Variants in THAP3 observed in about 807,000 individuals in gnomAD.
The protein encoded by THAP3 is THAP domain containing 3, also known as THAP domain-containing protein 3.
In THAP3, 12 loss-of-function variants were observed where a neutral mutation model predicts 17.7. That is an observed-to-expected ratio of 0.68 (90% confidence interval 0.43 to 1.10). The LOEUF (loss-of-function observed/expected upper bound fraction) is 1.10, where lower values mean the gene tolerates loss of function less well. Among genes scored for constraint, THAP3 ranks in the 50% least tolerant of loss-of-function variants. THAP3 has a pLI of 0.00. For synonymous variants in THAP3, 133 were observed against 126.9 expected (o/e 1.05, Z -0.32); for missense variants, 289 against 318.0 (o/e 0.91, Z 0.69).
chr1:6,629,074 C>T (rs905673201), intron 3 of THAP3, among the ~76,000 whole-genome samples: 6 of 152,158 alleles, frequency 3.9e-5, no homozygotes, highest in African/African-American at 1.4e-4. Flanking sequence ...TGTTGGTGGG[C>T]ACCTGTAATC....
At chr1:6,631,282 G>A (rs1641606994) in intron 4 of THAP3, among the ~76,000 whole-genome samples, 1 of 151,394 alleles carries the variant, frequency 6.6e-6, no homozygotes, top group African/African-American at 2.4e-5. Context: ...CCCACAAAGT[G>A]CTGGAATTAT....
intron 2 of THAP3, among the ~76,000 whole-genome samples, chr1:6,627,441 T>G (rs895126871): frequency 1.3e-5 from 2 of 152,264 alleles, no homozygotes; most frequent in African/African-American, 4.8e-5. Context: ...CTCGGCTCAC[T>G]GCAGCCTCTG....
At chr1:6,629,606 G>C (rs1024863287) in intron 3 of THAP3, 1 of 152,696 alleles carries the variant, frequency 6.5e-6, no homozygotes, top group Middle Eastern at 3.1e-3. Context: ...TGTCCTTCCT[G>C]TTTCCCTCAT....
At chr1:6,630,446 G>T (rs1229932712) in intron 4 of THAP3, 93 bp downstream of exon 4, 4 of 1,309,936 alleles carry the variant, frequency 3.1e-6, no homozygotes, top group African/African-American at 2.9e-5. Flanking sequence ...GGCCCGCAGG[G>T]CTGTCGCCTT....
rs1641668997 is a variant in THAP3, at chr1:6,633,001, G to C, written c.644G>C (p.Arg215Thr). 5.6e-6 allele frequency: 9 copies of C among 1,612,660 alleles called. No individual in the cohort carries two copies. The highest frequency in any genetic ancestry group is 7.6e-6 in the Non-Finnish European group (9 of 1,179,856). The change falls in exon 6 of 6, where the codon AGG (arginine) becomes ACG (threonine). Residue 215 changes from arginine (R) to threonine (T), a missense_variant. Arg to Thr is a moderately conservative substitution (Grantham distance 71, BLOSUM62 -1). Coordinates refer to ENST00000054650, the MANE Select transcript of THAP3 (RefSeq NM_001195753.2). The stretch of plus-strand genomic sequence containing the variant: ...CAGGCCCAGAGGCTGGTGATGCGAA[G>C]GATGTCCAGCCGCCTCCGTGCTTGC... ...RLQAQRLVMR[R>T]MSSRLRACKG... is the part of the protein sequence containing the mutation.
Position 6,633,300 on chromosome 1 carries a change from G to A in THAP3, c.*223G>A. ...ACTAGGAGTGCACATCTGTGAGCATGACAAGCTTATCCTCCCATGGTAACA... is the reference window on the plus strand; with the variant it reads ...ACTAGGAGTGCACATCTGTGAGCATAACAAGCTTATCCTCCCATGGTAACA... On this transcript the variant is annotated 3_prime_UTR_variant, in exon 6 of 6. Coordinates refer to ENST00000054650, the MANE Select transcript of THAP3 (RefSeq NM_001195753.2). The A allele has an allele frequency of 7.1e-7, 1 of 1,416,812 alleles. No individual in the cohort carries two copies. The highest frequency in any genetic ancestry group is 9.2e-7 in the Non-Finnish European group (1 of 1,089,334). The allele number at this position is 1,416,812 out of a possible 1,614,324, so 87.8% of individuals were successfully genotyped here.
Position 6,631,889 on chromosome 1 carries a change from GA to G in THAP3, c.334-491del, listed in dbSNP as rs887677155. On this transcript the variant is annotated intron_variant, in intron 4 of 5. Coordinates refer to ENST00000054650, the MANE Select transcript of THAP3 (RefSeq NM_001195753.2). The stretch of plus-strand genomic sequence containing the variant: ...GTGAAAGAGTGAAACTCCATCTCAA[GA>G]AAAAAAAAAATTAGCCAGGTGTAGT... Among the ~76,000 whole-genome samples, 199 of 142,150 alleles carry G rather than the reference GA, an allele frequency of 1.4e-3. 1 individual carries two copies. Among genetic ancestry groups the G allele is most frequent in the Middle Eastern group, 7.5e-3 (2 of 268 alleles). The allele number at this position is 142,150 out of a possible 152,430, so 93.3% of individuals were successfully genotyped here.
intron 2 of THAP3, among the ~76,000 whole-genome samples, chr1:6,625,842 T>C (rs1471243225): frequency 6.6e-6 from 1 of 152,204 alleles, no homozygotes; most frequent in Non-Finnish European, 1.5e-5. Context: ...CTACCCACTT[T>C]TGGGCACATT....
chr1:6,633,937 A>G (rs1557460116), downstream of THAP3: 9 of 1,301,448 alleles, frequency 6.9e-6, no homozygotes, highest in Admixed American at 2.2e-5. Context: ...CTGACTTCCT[A>G]TTTTGTCTAA....
At chr1:6,626,460 C>T (rs541859098) in intron 2 of THAP3, among the ~76,000 whole-genome samples, 7 of 152,184 alleles carry the variant, frequency 4.6e-5, no homozygotes, top group Non-Finnish European at 1.0e-4. Context: ...ACATAATATT[C>T]CATTGAATGC....
chr1:6,633,111 G>A lies in THAP3; in HGVS notation c.*34G>A. 3 of 1,566,252 alleles carry A rather than the reference G, an allele frequency of 1.9e-6. No homozygotes were observed. Among genetic ancestry groups the A allele is most frequent in the Non-Finnish European group, 2.6e-6 (3 of 1,156,822 alleles). ...GGCTCCGGACGCAGAGGTGGCAGTG[G>A]CACCAGGGCCGGCAGAGCTTTGGAG... is the stretch of plus-strand genomic sequence containing the variant. On this transcript the variant is annotated 3_prime_UTR_variant, in exon 6 of 6. Transcript: ENST00000054650.
rs374655038 is a variant in THAP3 at position 6,630,271 on chromosome 1, G to A, written c.268-17G>A. 1.2e-4 allele frequency: 189 copies of A among 1,613,516 alleles called. No homozygotes were observed. Among genetic ancestry groups the A allele is most frequent in the South Asian group, 8.0e-4 (73 of 91,036 alleles). On this transcript the variant is annotated splice_polypyrimidine_tract_variant and intron_variant, in intron 3 of 5. Coordinates refer to ENST00000054650, the MANE Select transcript of THAP3 (RefSeq NM_001195753.2). ...GGTTCTTGGGGTCTGCATCCACTCT[G>A]TGTGTGTCTCTTGTAGCAGGTGAGG...
intron 4 of THAP3, among the ~76,000 whole-genome samples, chr1:6,632,126 G>T (rs916341576): frequency 4.6e-5 from 7 of 151,586 alleles, no homozygotes; most frequent in Admixed American, 4.6e-4. Context: ...TGAGGCACGA[G>T]AATCACCTGA....
downstream of THAP3, chr1:6,634,615 G>T (rs778348115): frequency 7.3e-7 from 1 of 1,366,434 alleles, no homozygotes; most frequent in Admixed American, 1.9e-5. Flanking sequence ...CAGGCCTCAC[G>T]TAACTTTACT....
downstream of THAP3, chr1:6,634,309 C>T (rs1365339136): frequency 2.1e-6 from 2 of 957,222 alleles, no homozygotes; most frequent in African/African-American, 3.3e-5. Context: ...ACACGACGCT[C>T]ACCGCGGCTC....
Position 6,630,222 on chromosome 1 carries a change from C to T in THAP3, c.268-66C>T. The T allele has an allele frequency of 2.8e-6, 4 of 1,441,218 alleles. No homozygotes were observed. In the South Asian group the frequency reaches 4.6e-5, roughly 16 times the overall value. 89.3% of individuals were successfully genotyped at this position (1,441,218 alleles called of 1,614,324 possible). On this transcript the variant is annotated intron_variant, in intron 3 of 5. Coordinates refer to ENST00000054650, the MANE Select transcript of THAP3 (RefSeq NM_001195753.2). ...CGAGCAGCGGGGACAAGCATGATGCCCGAGGCCTGCCCCGAGCTCTGAGGG... is the reference window on the plus strand; with the variant it reads ...CGAGCAGCGGGGACAAGCATGATGCTCGAGGCCTGCCCCGAGCTCTGAGGG...
Position 6,631,276 on chromosome 1 carries a change from C to A in THAP3, c.333+923C>A, listed in dbSNP as rs1196186447. Among the ~76,000 whole-genome samples the A allele has an allele frequency of 2.6e-5, 4 of 151,710 alleles. No individual in the cohort carries two copies. In the East Asian group the frequency reaches 7.7e-4, roughly 29 times the overall value. On this transcript the variant is annotated intron_variant, in intron 4 of 5. Coordinates refer to ENST00000054650, the MANE Select transcript of THAP3 (RefSeq NM_001195753.2). ...AGGGGATTCTCCTGCCTTGGCCCCA[C>A]AAAGTGCTGGAATTATAGGCGGGAG...
chr1:6,634,404 C>T (rs988427134), downstream of THAP3: 2 of 1,227,524 alleles, frequency 1.6e-6, no homozygotes, highest in African/African-American at 3.1e-5. Flanking sequence ...TTTTCAAAAC[C>T]AGAGGAAGGA....
At chr1:6,634,390 C>G (rs1481130710), downstream of THAP3, 3 of 1,205,768 alleles carry the variant, frequency 2.5e-6, no homozygotes, top group African/African-American at 4.7e-5. Flanking sequence ...ACAACCCGAA[C>G]TGCTTTTCAA....
Sources: allele counts gnomAD v4.1 joint callset (sites outside exome capture counted in the v4.1 genomes callset), GRCh38; gene constraint gnomAD v4.1.1; transcripts MANE v1.5; gene names NCBI Gene and HGNC (gene_info 2026-07-23, HGNC 2026-07-21).